The following RAP1A variants were observed in gnomAD, a reference collection of about 807,000 sequenced individuals.
RAP1A encodes RAP1A, member of RAS oncogene family, also known as ras-related protein Rap-1A.
RAP1A carries 6 observed loss-of-function variants against 26.4 expected under a neutral mutation model. That is an observed-to-expected ratio of 0.23 (90% CI 0.12 to 0.45). RAP1A has a LOEUF of 0.45. Ranked by LOEUF, RAP1A falls within the 20% of genes least tolerant of loss-of-function variation. RAP1A has a pLI of 0.99. For missense variants in RAP1A, 121 were observed against 217.2 expected, an observed-to-expected ratio of 0.56 and a Z score of 2.78; for synonymous variants, 73 against 79.4, an observed-to-expected ratio of 0.92 and a Z score of 0.43.
At position 111,653,869 on chromosome 1, in the gene RAP1A, A is replaced by G. The variant is rs116214969; in HGVS notation, c.-28+33935A>G. 4.1e-3 allele frequency among the ~76,000 whole-genome samples: 619 copies of G among 152,272 alleles called. 6 individuals are homozygous for G. The highest frequency in any genetic ancestry group is 0.014 in the African/African-American group (589 of 41,544). The stretch of plus-strand genomic sequence containing the variant: ...AGGTTGGGGCTTGAAATGCACCTCA[A>G]AAGGCACAGAGGATTTGGATAGATA... On this transcript the variant is annotated intron_variant, in intron 1 of 7. Coordinates refer to ENST00000369709, the MANE Select transcript of RAP1A (RefSeq NM_002884.4).
At chr1:111,637,566 C>T (rs1339921564) in intron 1 of RAP1A, among the ~76,000 whole-genome samples, 1 of 152,164 alleles carries the variant, frequency 6.6e-6, no homozygotes, top group Non-Finnish European at 1.5e-5. Context: ...AGAAAAATCA[C>T]CTTTAATTTT....
At chr1:111,582,627 C>G (rs560476455) in intron 1 of RAP1A, among the ~76,000 whole-genome samples, 32 of 152,292 alleles carry the variant, frequency 2.1e-4, no homozygotes, top group African/African-American at 7.2e-4. Context: ...AGTGGGCACA[C>G]GATTGCCTAG....
At chr1:111,660,908 TC>T (rs1379137782) in intron 1 of RAP1A, among the ~76,000 whole-genome samples, 1 of 152,220 alleles carries the variant, frequency 6.6e-6, no homozygotes, top group Non-Finnish European at 1.5e-5. Flanking sequence ...CCCAACTCTG[TC>T]CTCTAACTGC....
chr1:111,596,717 A>G lies in RAP1A; in HGVS notation c.-28+54208A>G, dbSNP rs112739675. Among the ~76,000 whole-genome samples the G allele has an allele frequency of 8.9e-3, 1,351 of 152,350 alleles. 22 individuals are homozygous for G. The highest frequency in any genetic ancestry group is 0.031 in the African/African-American group (1,290 of 41,586). On this transcript the variant is annotated intron_variant, in intron 1 of 7. Transcript: ENST00000356415. ...CTGGCGAGGGCCCACTTCCTGGTTC[A>G]TAGATGGCAGTCTTCTCACTGTGTC...
At chr1:111,573,356 A>T (rs1658085592) in intron 1 of RAP1A, among the ~76,000 whole-genome samples, 1 of 152,166 alleles carries the variant, frequency 6.6e-6, no homozygotes, top group African/African-American at 2.4e-5. Flanking sequence ...TCCCACCAAC[A>T]GTGTATAAGG....
Position 111,669,267 on chromosome 1 carries a change from A to G in RAP1A, c.-27-22067A>G, listed in dbSNP as rs917748965. On this transcript the variant is annotated intron_variant, in intron 1 of 7. Transcript: ENST00000369709. ...ATTCTGTGTCTAATAAGTAGTGGAT[A>G]TATTAGTTGGATGCTCTGTTGCCTA... Among the ~76,000 whole-genome samples the G allele has an allele frequency of 6.6e-5, 10 of 152,166 alleles. 1 individual carries two copies. The highest frequency in any genetic ancestry group is 5.2e-4 in the Admixed American group (8 of 15,282).
intron 7 of RAP1A, among the ~76,000 whole-genome samples, chr1:111,711,783 CA>C (rs1191046266): frequency 6.6e-6 from 1 of 152,154 alleles, no homozygotes; most frequent in Non-Finnish European, 1.5e-5. Flanking sequence ...AGCCTTTAGG[CA>C]AAATTGTATT....
chr1:111,606,034 T>G (rs1237391091), intron 1 of RAP1A, among the ~76,000 whole-genome samples: 1 of 152,102 alleles, frequency 6.6e-6, no homozygotes, highest in Admixed American at 6.5e-5. Flanking sequence ...CTGCGCAGTT[T>G]CCCTGGAAGC....
intron 1 of RAP1A, among the ~76,000 whole-genome samples, chr1:111,596,012 A>G (rs1185637152): frequency 6.6e-6 from 1 of 152,226 alleles, no homozygotes; most frequent in African/African-American, 2.4e-5. Context: ...ACTTGCTAAT[A>G]AATGTTTGAG....
chr1:111,638,118 T>C (rs1659777583), intron 1 of RAP1A, among the ~76,000 whole-genome samples: 1 of 151,902 alleles, frequency 6.6e-6, no homozygotes, highest in African/African-American at 2.4e-5. Flanking sequence ...TGTTTCTGTC[T>C]CTTAAAAAAG....
At chr1:111,693,592 T>C (rs914154653) in intron 2 of RAP1A, among the ~76,000 whole-genome samples, 1 of 152,190 alleles carries the variant, frequency 6.6e-6, no homozygotes, top group African/African-American at 2.4e-5. Context: ...ACATTACTTT[T>C]AGTAAGAAAG....
Position 111,565,560 on chromosome 1 carries a change from G to T in RAP1A, c.-28+23051G>T, listed in dbSNP as rs1571473682. On this transcript the variant is annotated intron_variant, in intron 1 of 7. Transcript: ENST00000356415. The stretch of plus-strand genomic sequence containing the variant: ...GTCAGAGAAACTGAAGTCTAAACCT[G>T]TGCCATTCAGAATGGGGTGATTAAA... 3.3e-5 allele frequency among the ~76,000 whole-genome samples: 5 copies of T among 152,190 alleles called. No homozygotes were observed. In the South Asian group the frequency reaches 1.0e-3, roughly 32 times the overall value.
chr1:111,615,523 A>T, upstream of RAP1A, among the ~76,000 whole-genome samples: 1 of 152,300 alleles, frequency 6.6e-6, no homozygotes, highest in Non-Finnish European at 1.5e-5. Flanking sequence ...TGCAACTTTA[A>T]TTAAAATTAA....
chr1:111,688,142 G>GA (rs1408075825), intron 1 of RAP1A, among the ~76,000 whole-genome samples: 3 of 148,186 alleles, frequency 2.0e-5, no homozygotes, highest in Non-Finnish European at 4.5e-5. Context: ...TAAGGTCTGG[G>GA]AAAAATCTTT....
At chr1:111,663,353 A>C (rs1467067349) in intron 1 of RAP1A, among the ~76,000 whole-genome samples, 2 of 152,216 alleles carry the variant, frequency 1.3e-5, no homozygotes, top group Non-Finnish European at 2.9e-5. Flanking sequence ...AGAATCAATA[A>C]ATTTGATTAT....
chr1:111,562,658 G>T (rs923162678), intron 1 of RAP1A, among the ~76,000 whole-genome samples: 59 of 152,162 alleles, frequency 3.9e-4, no homozygotes, highest in African/African-American at 1.4e-3. Flanking sequence ...TAAACCCACT[G>T]CCATGTTTCA....
At chr1:111,677,209 C>A (rs902419380) in intron 1 of RAP1A, among the ~76,000 whole-genome samples, 5 of 152,216 alleles carry the variant, frequency 3.3e-5, no homozygotes, top group Non-Finnish European at 7.3e-5. Context: ...TCCTTACATT[C>A]ATTACTGAGT....
At chr1:111,624,847 T>C (rs903040553) in intron 1 of RAP1A, among the ~76,000 whole-genome samples, 1 of 152,180 alleles carries the variant, frequency 6.6e-6, no homozygotes, top group Admixed American at 6.5e-5. Flanking sequence ...TAAACTCCAA[T>C]CAGTAGACAA....
At chr1:111,578,853 G>A (rs146139963) in intron 1 of RAP1A, among the ~76,000 whole-genome samples, 4 of 152,212 alleles carry the variant, frequency 2.6e-5, no homozygotes, top group East Asian at 3.9e-4. Context: ...TTCACCAACC[G>A]GCTATAAACT....
Sources: gnomAD v4.1 joint callset for allele counts (sites outside exome capture counted in the v4.1 genomes callset) on GRCh38, gnomAD v4.1.1 for gene constraint, MANE v1.5 for transcripts, NCBI Gene and HGNC (gene_info 2026-07-23, HGNC 2026-07-21) for gene names.